Variants in DCTD observed in about 807,000 individuals in gnomAD.
The protein encoded by DCTD is dCMP deaminase.
A neutral mutation model predicts 21.0 loss-of-function variants in DCTD; 23 were observed. That is an observed-to-expected ratio of 1.09 (90% CI 0.79 to 1.55). The LOEUF is 1.55. Ranked by LOEUF, DCTD falls within the 40% of genes most tolerant of loss-of-function variation. The probability of loss-of-function intolerance (pLI) is 0.00; values close to 1 mark genes in which losing one functional copy is unlikely to be tolerated. For missense variants in DCTD, 224 were observed against 230.0 expected (o/e 0.97, Z 0.17); for synonymous variants, 71 against 81.1 (o/e 0.88, Z 0.67).
chr4:182,900,854 T>C (rs1735599652), intron 3 of DCTD, among the ~76,000 whole-genome samples: 1 of 9,198 alleles, frequency 1.1e-4, no homozygotes, highest in Non-Finnish European at 2.4e-4. Flanking sequence ...ATTCATATGC[T>C]TTGGTTTTTT....
chr4:182,909,789 A>AGG (rs1267332828), intron 3 of DCTD, among the ~76,000 whole-genome samples: 2 of 152,224 alleles, frequency 1.3e-5, no homozygotes, highest in Non-Finnish European at 2.9e-5. Flanking sequence ...TCAGTGTTCA[A>AGG]GGGGGTAAAG....
chr4:182,908,179 ACTC>A (rs1236351182), intron 3 of DCTD, among the ~76,000 whole-genome samples: 1 of 152,024 alleles, frequency 6.6e-6, no homozygotes, highest in Non-Finnish European at 1.5e-5. Flanking sequence ...TATTAACAAA[ACTC>A]CTGAAGGGAG....
In DCTD at chr4:182,914,913, CT is replaced by C; in HGVS notation, c.244+9del. 1 of 1,614,184 alleles carries C rather than the reference CT, an allele frequency of 6.2e-7. No individual in the cohort carries two copies. The highest frequency in any genetic ancestry group is 8.5e-7 in the Non-Finnish European group (1 of 1,180,028). Reference sequence around the variant, plus strand: ...TCACTAAGCAGAATGGGACATAAAACTTGCCCTACCGTACGGGTATTTGGTG... The same window carrying C: ...TCACTAAGCAGAATGGGACATAAAACTGCCCTACCGTACGGGTATTTGGTG... On this transcript the variant is annotated intron_variant, in intron 3 of 5. Transcript: ENST00000438320.
Position 182,891,417 on chromosome 4 carries a change from C to A in DCTD, c.519G>T (p.Pro173=), listed in dbSNP as rs753574375. Residue 173 remains proline, a synonymous_variant, in exon 6 of 6, where the codon CCG becomes CCT. Transcript: ENST00000438320. ...VIDFDSINSR[P]SQKLQ ...ATGTAACTCACTGAAGCTTTTGACTCGGTCTGCTGTTAATTGAATCAAAGT... is the reference window on the plus strand; with the variant it reads ...ATGTAACTCACTGAAGCTTTTGACTAGGTCTGCTGTTAATTGAATCAAAGT... 4 of 1,610,896 alleles carry A rather than the reference C, an allele frequency of 2.5e-6. No homozygotes were observed. Among genetic ancestry groups the A allele is most frequent in the Non-Finnish European group, 1.7e-6 (2 of 1,177,166 alleles).
chr4:182,904,510 G>A (rs1736319356), intron 3 of DCTD, among the ~76,000 whole-genome samples: 1 of 152,132 alleles, frequency 6.6e-6, no homozygotes. Context: ...CTGGGCACTG[G>A]AAGAGGAGCT....
chr4:182,914,857 A>G (rs1738406646), intron 3 of DCTD, 66 bp downstream of exon 3: 1 of 1,591,064 alleles, frequency 6.3e-7, no homozygotes, highest in South Asian at 1.1e-5. Context: ...CTTCTGACCA[A>G]CTTTCTTAAT....
chr4:182,894,488 C>A lies in DCTD; in HGVS notation c.361+1G>T, dbSNP rs1734361161. On this transcript the variant is annotated splice_donor_variant, in intron 4 of 5. Coordinates refer to ENST00000438320, the MANE Select transcript of DCTD (RefSeq NM_001921.3). LOFTEE classifies it high-confidence loss of function. Reference sequence around the variant, plus strand: ...GACAAATGGAAAGACCCGGTTCCTACCTGCCTGGATGATGAGCTTAGCGCA... The same window carrying A: ...GACAAATGGAAAGACCCGGTTCCTAACTGCCTGGATGATGAGCTTAGCGCA... 1.3e-5 allele frequency: 20 copies of A among 1,595,064 alleles called. No homozygotes were observed. The highest frequency in any genetic ancestry group is 1.7e-5 in the Admixed American group (1 of 59,990).
intron 3 of DCTD, among the ~76,000 whole-genome samples, chr4:182,894,921 C>T (rs1734470223): frequency 6.6e-6 from 1 of 152,222 alleles, no homozygotes; most frequent in African/African-American, 2.4e-5. Context: ...TGAGCTGGCT[C>T]ATTGGTGTGC....
intron 3 of DCTD, among the ~76,000 whole-genome samples, chr4:182,905,759 T>C (rs1456686041): frequency 6.6e-6 from 1 of 152,162 alleles, no homozygotes; most frequent in Non-Finnish European, 1.5e-5. Context: ...GACATACCTG[T>C]ACTGCTACAG....
At chr4:182,916,467 A>T in intron 1 of DCTD, 1 of 985,650 alleles carries the variant, frequency 1.0e-6, no homozygotes, top group Non-Finnish European at 1.2e-6. Flanking sequence ...AAGGAAGGCA[A>T]GCATCTCCCA....
rs1738586467 is a variant in DCTD, at chr4:182,915,563, A to G, written c.6T>C (p.Ser2=). 1 of 1,607,460 alleles carries G rather than the reference A, an allele frequency of 6.2e-7. No homozygotes were observed. The highest frequency in any genetic ancestry group is 2.2e-5 in the East Asian group (1 of 44,858). Residue 2 remains serine (S), a synonymous_variant, in exon 2 of 6, where the codon AGT becomes AGC. Transcript: ENST00000438320. M[S]EVSCKKRDDY... is the part of the protein sequence containing the mutation. ...CGTCCCGTTTCTTGCAGGAAACTTCACTCATGTTGGGTCTAGAAGAAAAAC... is the reference window on the plus strand; with the variant it reads ...CGTCCCGTTTCTTGCAGGAAACTTCGCTCATGTTGGGTCTAGAAGAAAAAC...
chr4:182,906,619 G>A (rs867281078), intron 3 of DCTD, among the ~76,000 whole-genome samples: 3 of 152,224 alleles, frequency 2.0e-5, no homozygotes, highest in African/African-American at 2.4e-5. Flanking sequence ...AAGAGAACAG[G>A]TGACTCGTTA....
chr4:182,892,025 G>GAA (rs1203276185), intron 5 of DCTD, among the ~76,000 whole-genome samples: 7 of 121,518 alleles, frequency 5.8e-5, no homozygotes, highest in African/African-American at 2.1e-4. Context: ...CAATTAAAAA[G>GAA]AAGACATTTG....
intron 3 of DCTD, among the ~76,000 whole-genome samples, chr4:182,903,609 G>A (rs995341470): frequency 6.6e-6 from 1 of 152,150 alleles, no homozygotes; most frequent in African/African-American, 2.4e-5. Context: ...GGTCTGGGGA[G>A]AAAGTGGTGG....
At chr4:182,910,351 T>C (rs1737459537) in intron 3 of DCTD, among the ~76,000 whole-genome samples, 1 of 152,258 alleles carries the variant, frequency 6.6e-6, no homozygotes, top group Non-Finnish European at 1.5e-5. Flanking sequence ...TTGTAAACTA[T>C]ATCATCAAAA....
rs70956544 is a variant in DCTD, at chr4:182,905,326, C to CTT, written c.244+9595_244+9596dup. 4.1e-4 allele frequency among the ~76,000 whole-genome samples: 50 copies of CTT among 121,546 alleles called. 1 individual carries two copies. The highest frequency in any genetic ancestry group is 1.2e-3 in the East Asian group (5 of 4,086). The allele number at this position is 121,546 out of a possible 152,430, so 79.7% of individuals were successfully genotyped here. A position where few individuals can be genotyped will look rare whatever the true frequency, so the allele number is the denominator to read the frequency against. ...CCGATACAGCTGACAAGCCCGCCTT[C>CTT]TTTTTTTTTTTTTTTTTTTTTTAGA... On this transcript the variant is annotated intron_variant, in intron 3 of 5. Transcript: ENST00000438320.
At chr4:182,907,200 A>G (rs892950684) in intron 3 of DCTD, among the ~76,000 whole-genome samples, 24 of 152,222 alleles carry the variant, frequency 1.6e-4, no homozygotes, top group Admixed American at 1.3e-3. Flanking sequence ...CAGTGGTGCA[A>G]TCTTGGCTCA....
intron 1 of DCTD, 147 bp from the exon 2 acceptor site, chr4:182,915,722 G>T: frequency 1.4e-6 from 1 of 738,586 alleles, no homozygotes; most frequent in Non-Finnish European, 2.2e-6. Flanking sequence ...CAGCACATGG[G>T]CCCTAAACAG....
Position 182,899,399 on chromosome 4 carries a change from C to CTTTTTTTTTTTTTTTTTTTTTTTT in DCTD, c.245-4795_245-4794insAAAAAAAAAAAAAAAAAAAAAAAA, listed in dbSNP as rs548073020. On this transcript the variant is annotated intron_variant, in intron 3 of 5. Transcript: ENST00000438320. ...TCCCATAGTCACTGCCCTTTTTTTT[C>CTTTTTTTTTTTTTTTTTTTTTTTT]TTTTTCTTTTTTTTTTAGATGGAGT... Among the ~76,000 whole-genome samples, 4 of 144,328 alleles carry CTTTTTTTTTTTTTTTTTTTTTTTT rather than the reference C, an allele frequency of 2.8e-5. 1 individual carries two copies. The highest frequency in any genetic ancestry group is 1.5e-5 in the Non-Finnish European group (1 of 66,376). 94.7% of individuals were successfully genotyped at this position (144,328 alleles called of 152,430 possible).
Sources: gnomAD v4.1 joint callset for allele counts (sites outside exome capture counted in the v4.1 genomes callset) on GRCh38, gnomAD v4.1.1 for gene constraint, MANE v1.5 for transcripts, NCBI Gene and HGNC (gene_info 2026-07-23, HGNC 2026-07-21) for gene names.